Variants in HTN1 observed in about 807,000 individuals in gnomAD.
The protein encoded by HTN1 is histatin-1.
A neutral mutation model predicts 11.2 loss-of-function variants in HTN1; 18 were observed. The observed-to-expected ratio is 1.61, with a 90% confidence interval of 1.12 to 2.39. HTN1 has a LOEUF of 2.39. Among genes scored for constraint, HTN1 ranks in the 30% most tolerant of loss-of-function variants. The probability of loss-of-function intolerance (pLI) is 0.00; values close to 1 mark genes in which losing one functional copy is unlikely to be tolerated. For synonymous variants in HTN1, 21 were observed against 20.5 expected (o/e 1.02, Z -0.07); for missense variants, 80 against 67.2 (o/e 1.19, Z -0.67).
chr4:70,052,438 C>G (rs1456806313), intron 1 of HTN1, among the ~76,000 whole-genome samples: 2 of 152,124 alleles, frequency 1.3e-5, no homozygotes. Flanking sequence ...GTTTTGTCCT[C>G]CCTATGTGTT....
rs1725945653 is a variant in HTN1 at position 70,053,224 on chromosome 4, C to T, written c.51+97C>T. The T allele has an allele frequency of 5.4e-5, 40 of 739,900 alleles. 2 individuals carry two copies. The South Asian group carries it at 6.4e-4, about 12-fold the overall frequency. 45.8% of individuals were successfully genotyped at this position (739,900 alleles called of 1,614,324 possible). On this transcript the variant is annotated intron_variant, in intron 2 of 5. Coordinates refer to ENST00000246896, the MANE Select transcript of HTN1 (RefSeq NM_002159.4). ...TTCTGGTATATACTCATGTTGACCTCAATACAGCTTTATAAGCTTTAATAT... is the reference window on the plus strand; with the variant it reads ...TTCTGGTATATACTCATGTTGACCTTAATACAGCTTTATAAGCTTTAATAT...
At chr4:70,055,403 T>G (rs1410756179) in intron 4 of HTN1, 95 bp from the exon 5 acceptor site, 4 of 865,488 alleles carry the variant, frequency 4.6e-6, no homozygotes, top group Middle Eastern at 5.0e-4. Context: ...TTAACAACTT[T>G]AGCAATCTAA....
chr4:70,057,752 T>C (rs1726079444), intron 5 of HTN1: 1 of 152,162 alleles, frequency 6.6e-6, no homozygotes, highest in Non-Finnish European at 1.5e-5. Context: ...AGGTGTATGG[T>C]TGTGGCCATA....
chr4:70,052,856 T>C (rs1560434821), intron 1 of HTN1: 1 of 431,804 alleles, frequency 2.3e-6, no homozygotes. Context: ...TAGTTCCAGC[T>C]ACAAGTGGGA....
At chr4:70,052,916 G>A in intron 1 of HTN1, 148 bp from the exon 2 acceptor site, 2 of 620,090 alleles carry the variant, frequency 3.2e-6, no homozygotes, top group Non-Finnish European at 5.9e-6. Flanking sequence ...GGTCCAGGCT[G>A]CAGTGATCTG....
rs1578185855 is a variant in HTN1 at position 70,058,746 on chromosome 4, A to T, written c.*200A>T. The T allele has an allele frequency of 6.6e-6, 1 of 152,290 alleles. No individual in the cohort carries two copies. The highest frequency in any genetic ancestry group is 2.4e-5 in the African/African-American group (1 of 41,570). 9.4% of individuals were successfully genotyped at this position (152,290 alleles called of 1,614,324 possible). On this transcript the variant is annotated 3_prime_UTR_variant, in exon 6 of 6. Transcript: ENST00000246896. Reference sequence around the variant, plus strand: ...TACTTCCCTTCCTAATTATCATTTGATTAGATACTTGCAATTTAAACTGTT... The same window carrying T: ...TACTTCCCTTCCTAATTATCATTTGTTTAGATACTTGCAATTTAAACTGTT...
chr4:70,056,606 G>A (rs1321582985), intron 5 of HTN1: 1 of 152,026 alleles, frequency 6.6e-6, no homozygotes, highest in African/African-American at 2.4e-5. Context: ...AGGCAACCTA[G>A]AGAATGGGAG....
rs1340540050 is a variant in HTN1, at chr4:70,055,549, A to T, written c.154A>T (p.Asn52Tyr). Residue 52 changes from asparagine (N) to tyrosine (Y), a missense_variant, in exon 5 of 6, where the codon AAT becomes TAT. By Grantham distance (143) the Asn-to-Tyr change is moderately radical (BLOSUM62 -2). Transcript: ENST00000246896. ...TCCATTTTATGGGGACTATGGATCA[A>T]ATTATCTATATGACAATTGATATCC... ...EFPFYGDYGSNYLYDN is the reference protein window; with the variant it reads ...EFPFYGDYGSYYLYDN 1.3e-6 allele frequency: 2 copies of T among 1,583,446 alleles called. No homozygotes were observed. Among genetic ancestry groups the T allele is most frequent in the African/African-American group, 2.7e-5 (2 of 74,074 alleles).
At chr4:70,053,184 CT>C in intron 2 of HTN1, 57 bp downstream of exon 2, 1 of 1,134,330 alleles carries the variant, frequency 8.8e-7, no homozygotes, top group South Asian at 1.3e-5. Context: ...CCAAGTGTCT[CT>C]CTTATTCCTT....
At chr4:70,052,196 T>C (rs1444722377) in intron 1 of HTN1, among the ~76,000 whole-genome samples, 6 of 152,192 alleles carry the variant, frequency 3.9e-5, no homozygotes, top group Non-Finnish European at 8.8e-5. Flanking sequence ...CTCTTCATTT[T>C]ATTTTTCGCT....
rs751616898 is a variant in HTN1, at chr4:70,054,384, TA to T, written c.73-36del. On this transcript the variant is annotated intron_variant, in intron 3 of 5. Transcript: ENST00000246896. Reference sequence around the variant, plus strand: ...TACGGGAAAACTTGATAAATAAACATATATTGAATTTTTAATCTTTTCTTTT... The same window carrying T: ...TACGGGAAAACTTGATAAATAAACATTATTGAATTTTTAATCTTTTCTTTT... The T allele has an allele frequency of 7.9e-6, 12 of 1,526,436 alleles. No homozygotes were observed. The South Asian group carries it at 1.4e-4, about 18-fold the overall frequency. The allele number at this position is 1,526,436 out of a possible 1,614,324, so 94.6% of individuals were successfully genotyped here. A position where few individuals can be genotyped will look rare whatever the true frequency, so the allele number is the denominator to read the frequency against.
chr4:70,054,413 T>C lies in HTN1; in HGVS notation c.73-8T>C. 6.6e-7 allele frequency: 1 copy of C among 1,520,564 alleles called. No homozygotes were observed. Among genetic ancestry groups the C allele is most frequent in the East Asian group, 2.3e-5 (1 of 43,818 alleles). The allele number at this position is 1,520,564 out of a possible 1,614,324, so 94.2% of individuals were successfully genotyped here. ...TTGAATTTTTAATCTTTTCTTTTTA[T>C]TTCATAGAGACATCATGGGTATAGA... On this transcript the variant is annotated splice_region_variant and splice_polypyrimidine_tract_variant and intron_variant, in intron 3 of 5. Coordinates refer to ENST00000246896, the MANE Select transcript of HTN1 (RefSeq NM_002159.4).
rs1391738538 is a variant in HTN1 at position 70,050,479 on chromosome 4, C to G, written c.-30C>G. 6.6e-6 allele frequency: 1 copy of G among 152,134 alleles called. No individual in the cohort carries two copies. The highest frequency in any genetic ancestry group is 1.5e-5 in the Non-Finnish European group (1 of 68,016). The allele number at this position is 152,134 out of a possible 1,614,324, so 9.4% of individuals were successfully genotyped here. On this transcript the variant is annotated 5_prime_UTR_variant, in exon 1 of 6. Transcript: ENST00000246896. ...CTTCAGCTTCACTGACTTCTTGACT[C>G]TCCTCTTGAGTAAAAGGTAATATGT...
At position 70,058,738 on chromosome 4, in the gene HTN1, A is replaced by G. The variant is rs1726106303; in HGVS notation, c.*192A>G. ...TTTCATGATACTTCCCTTCCTAATT[A>G]TCATTTGATTAGATACTTGCAATTT... On this transcript the variant is annotated 3_prime_UTR_variant, in exon 6 of 6. Coordinates refer to ENST00000246896, the MANE Select transcript of HTN1 (RefSeq NM_002159.4). 1 of 152,136 alleles carries G rather than the reference A, an allele frequency of 6.6e-6. No individual in the cohort carries two copies. The highest frequency in any genetic ancestry group is 2.4e-5 in the African/African-American group (1 of 41,432). 9.4% of individuals were successfully genotyped at this position (152,136 alleles called of 1,614,324 possible). A position where few individuals can be genotyped will look rare whatever the true frequency, so the allele number is the denominator to read the frequency against.
At chr4:70,053,175 C>G in intron 2 of HTN1, 48 bp downstream of exon 2, 1 of 1,204,610 alleles carries the variant, frequency 8.3e-7, no homozygotes, top group Non-Finnish European at 1.2e-6. Flanking sequence ...GTACTTATCC[C>G]AAGTGTCTCT....
intron 1 of HTN1, among the ~76,000 whole-genome samples, chr4:70,052,422 TC>T (rs1290032439): frequency 6.6e-6 from 1 of 152,176 alleles, no homozygotes; most frequent in East Asian, 1.9e-4. Flanking sequence ...GGTCATCTTT[TC>T]TCCAGTTTTG....
intron 1 of HTN1, among the ~76,000 whole-genome samples, chr4:70,051,208 A>AT (rs1302519041): frequency 2.0e-5 from 3 of 152,232 alleles, no homozygotes; most frequent in African/African-American, 7.2e-5. Context: ...ATAAAGGTTT[A>AT]TTTTTAAAAA....
chr4:70,054,501 T>A, intron 4 of HTN1, 51 bp downstream of exon 4: 1 of 1,139,670 alleles, frequency 8.8e-7, no homozygotes, highest in Non-Finnish European at 1.3e-6. Flanking sequence ...CCTCTCTGAC[T>A]ATTTATTCTC....
intron 2 of HTN1, among the ~76,000 whole-genome samples, chr4:70,053,732 G>A (rs73824783): frequency 0.021 from 3,237 of 151,682 alleles, 107 homozygotes; most frequent in African/African-American, 0.074. Context: ...TACTTCCACC[G>A]CCTCTTCCTC....
Sources: gnomAD v4.1 joint callset for allele counts (sites outside exome capture counted in the v4.1 genomes callset) on GRCh38, gnomAD v4.1.1 for gene constraint, MANE v1.5 for transcripts, NCBI Gene and HGNC (gene_info 2026-07-23, HGNC 2026-07-21) for gene names.